PRR5L: variants seen among roughly 807,000 people sequenced by gnomAD.
PRR5L encodes the protein proline-rich protein 5-like.
In PRR5L, 21 loss-of-function variants were observed where a neutral mutation model predicts 36.4. The ratio of observed to expected loss-of-function variants is 0.58; its 90% confidence interval spans 0.41 to 0.83. The LOEUF is 0.83. PRR5L is among the 40% of genes least tolerant of loss of function. PRR5L has a pLI of 0.00. For missense variants in PRR5L, 381 were observed against 473.3 expected, an observed-to-expected ratio of 0.80 and a Z score of 1.81; for synonymous variants, 188 against 197.0, an observed-to-expected ratio of 0.95 and a Z score of 0.38.
At chr11:36,310,995 CAAAAAAAAAA>C (rs59947428) in intron 1 of PRR5L, among the ~76,000 whole-genome samples, 1 of 88,432 alleles carries the variant, frequency 1.1e-5, no homozygotes, top group African/African-American at 4.9e-5. Flanking sequence ...ACTCCGTCTC[CAAAAAAAAAA>C]AAAAAAAAAA....
At chr11:36,351,771 ATATATTTATATATTT>A (rs1565409693) in intron 1 of PRR5L, among the ~76,000 whole-genome samples, 45 of 37,394 alleles carry the variant, frequency 1.2e-3, no homozygotes, top group Admixed American at 3.2e-3. Flanking sequence ...ATATATTTAT[ATATATTTATATATTT>A]TTTTTATATA....
intron 4 of PRR5L, among the ~76,000 whole-genome samples, chr11:36,420,281 T>C (rs909230510): frequency 6.6e-6 from 1 of 152,258 alleles, no homozygotes; most frequent in African/African-American, 2.4e-5. Flanking sequence ...GTTTATTATA[T>C]GCTTTATGTG....
At chr11:36,460,082 A>T (rs183919736) in intron 8 of PRR5L, among the ~76,000 whole-genome samples, 1 of 152,314 alleles carries the variant, frequency 6.6e-6, no homozygotes, top group African/African-American at 2.4e-5. Context: ...GTTTTTATAC[A>T]CAGGTGTGGT....
intron 1 of PRR5L, among the ~76,000 whole-genome samples, chr11:36,334,947 T>C (rs1374329199): frequency 7.3e-6 from 1 of 137,768 alleles, no homozygotes; most frequent in Non-Finnish European, 1.5e-5. Context: ...CACTGAGCTC[T>C]GACTGCAAAA....
chr11:36,442,702 C>T (rs1478083292), intron 6 of PRR5L, among the ~76,000 whole-genome samples: 1 of 152,162 alleles, frequency 6.6e-6, no homozygotes, highest in Non-Finnish European at 1.5e-5. Flanking sequence ...CCACAAATCC[C>T]CCGGGCATGG....
Position 36,389,719 on chromosome 11 carries a change from TCTC to T in PRR5L, c.-125-11275_-125-11273del, listed in dbSNP as rs563812747. 4.3e-3 allele frequency among the ~76,000 whole-genome samples: 653 copies of T among 151,230 alleles called. 2 individuals are homozygous for T. The highest frequency in any genetic ancestry group is 7.4e-3 in the Non-Finnish European group (502 of 67,872). On this transcript the variant is annotated intron_variant, in intron 1 of 8. Coordinates refer to ENST00000530639, the MANE Select transcript of PRR5L (RefSeq NM_001160167.2). ...CCTCCGCCTTCTGGGTTCAAGCAAT[TCTC>T]CTGCCTCAGCCCCCTGAGTAGCTGG...
chr11:36,448,633 G>A (rs1016182476), intron 7 of PRR5L, among the ~76,000 whole-genome samples: 3 of 152,162 alleles, frequency 2.0e-5, no homozygotes, highest in African/African-American at 7.2e-5. Context: ...CCAGCTAGTA[G>A]AAGGTTGAGC....
intron 1 of PRR5L, among the ~76,000 whole-genome samples, chr11:36,298,015 A>G (rs923965991): frequency 1.3e-5 from 2 of 152,196 alleles, no homozygotes; most frequent in Non-Finnish European, 2.9e-5. Flanking sequence ...CTTTCTCTCT[A>G]GGCACAATCT....
chr11:36,354,144 T>G (rs1857002965), intron 1 of PRR5L, among the ~76,000 whole-genome samples: 1 of 152,196 alleles, frequency 6.6e-6, no homozygotes, highest in Non-Finnish European at 1.5e-5. Context: ...AACCTCAGTT[T>G]CCTTGTCTGT....
rs1181652524 is a variant in PRR5L at position 36,296,312 on chromosome 11, G to A, written c.-252G>A. On this transcript the variant is annotated 5_prime_UTR_variant, in exon 1 of 9. The change creates a new upstream start codon in the 5' untranslated region. Transcript: ENST00000530639. ...CAGTCTTCAGGCCCCAGGTCAGTGA[G>A]TGGCAAGCCAGGCCCAGAGATCTCT... is the stretch of plus-strand genomic sequence containing the variant. 5.3e-5 allele frequency: 8 copies of A among 152,204 alleles called. No individual in the cohort carries two copies. The highest frequency in any genetic ancestry group is 3.9e-4 in the Admixed American group (6 of 15,282). The allele number at this position is 152,204 out of a possible 1,614,324, so 9.4% of individuals were successfully genotyped here.
chr11:36,367,091 G>C (rs140448820), intron 1 of PRR5L, among the ~76,000 whole-genome samples: 1,710 of 152,234 alleles, frequency 0.011, 32 homozygotes, highest in African/African-American at 0.037. Flanking sequence ...TGGGAAGGGT[G>C]TAAATGTCAT....
intron 1 of PRR5L, among the ~76,000 whole-genome samples, chr11:36,342,451 C>G (rs1856826541): frequency 6.6e-6 from 1 of 152,260 alleles, no homozygotes; most frequent in Admixed American, 6.5e-5. Flanking sequence ...CCAGGAGAGT[C>G]TCAGGCAGCT....
At chr11:36,351,912 A>G (rs1342220345) in intron 1 of PRR5L, among the ~76,000 whole-genome samples, 3 of 150,580 alleles carry the variant, frequency 2.0e-5, no homozygotes, top group Non-Finnish European at 2.9e-5. Flanking sequence ...TTTTTGTATA[A>G]TGACTTATTT....
intron 4 of PRR5L, among the ~76,000 whole-genome samples, chr11:36,423,763 T>C (rs581035): frequency 0.017 from 2,605 of 152,218 alleles, 53 homozygotes; most frequent in African/African-American, 0.041. Flanking sequence ...AGAAGTTATG[T>C]TTTTAGGTGA....
intron 1 of PRR5L, among the ~76,000 whole-genome samples, chr11:36,381,378 A>G (rs1188441685): frequency 6.8e-6 from 1 of 146,686 alleles, no homozygotes; most frequent in African/African-American, 2.5e-5. Flanking sequence ...ATGTTAGCTT[A>G]AGTTGAGCCT....
At position 36,368,159 on chromosome 11, in the gene PRR5L, A is replaced by G. The variant is rs558610902; in HGVS notation, c.-125-32838A>G. ...CTGGGATATTGGAAAAATTATTTCT[A>G]TGAATATTGAAATCATGGAGAATTA... On this transcript the variant is annotated intron_variant, in intron 1 of 8. Coordinates refer to ENST00000530639, the MANE Select transcript of PRR5L (RefSeq NM_001160167.2). Among the ~76,000 whole-genome samples, 3 of 152,314 alleles carry G rather than the reference A, an allele frequency of 2.0e-5. 1 individual carries two copies. The highest frequency in any genetic ancestry group is 7.2e-5 in the African/African-American group (3 of 41,556).
chr11:36,351,397 A>C (rs1312435229), intron 1 of PRR5L, among the ~76,000 whole-genome samples: 1,288 of 86,374 alleles, frequency 0.015, 68 homozygotes, highest in African/African-American at 0.064. Flanking sequence ...AAATATATAT[A>C]TTTATAAATA....
chr11:36,415,571 C>G (rs1220687761), intron 3 of PRR5L, among the ~76,000 whole-genome samples: 1 of 152,192 alleles, frequency 6.6e-6, no homozygotes, highest in South Asian at 2.1e-4. Flanking sequence ...GGGTGAAACC[C>G]TATCTCTACC....
intron 1 of PRR5L, among the ~76,000 whole-genome samples, chr11:36,325,359 G>A (rs1048631502): frequency 2.0e-5 from 3 of 152,238 alleles, no homozygotes; most frequent in Non-Finnish European, 2.9e-5. Flanking sequence ...GGTCTGCCAC[G>A]GTAGCAAACG....
Sources: allele counts gnomAD v4.1 joint callset (sites outside exome capture counted in the v4.1 genomes callset), GRCh38; gene constraint gnomAD v4.1.1; transcripts MANE v1.5; gene names NCBI Gene and HGNC (gene_info 2026-07-23, HGNC 2026-07-21).